LRRK2: variants seen among roughly 807,000 people sequenced by gnomAD.
The protein encoded by LRRK2 is leucine rich repeat kinase 2, also known as leucine-rich repeat serine/threonine-protein kinase 2.
LRRK2 carries 203 observed loss-of-function variants against 302.6 expected under a neutral mutation model. The ratio of observed to expected loss-of-function variants is 0.67; its 90% CI spans 0.60 to 0.75. The LOEUF (loss-of-function observed/expected upper bound fraction) is 0.75, where lower values mean the gene tolerates loss of function less well. Among genes scored for constraint, LRRK2 ranks in the 30% least tolerant of loss-of-function variants. The pLI, the probability that LRRK2 is intolerant of heterozygous loss-of-function variation, is 0.00. For missense variants in LRRK2, 2,830 were observed against 2,951.0 expected (o/e 0.96, Z 0.95); for synonymous variants, 1,066 against 1,031.9 (o/e 1.03, Z -0.63).
In LRRK2 at chr12:40,323,204, A is replaced by G. The variant is rs147442556; in HGVS notation, c.5554A>G (p.Ile1852Val). 42 of 1,613,156 alleles carry G rather than the reference A, an allele frequency of 2.6e-5. No individual in the cohort carries two copies. The highest frequency in any genetic ancestry group is 5.5e-5 in the South Asian group (5 of 91,034). Residue 1852 changes from isoleucine to valine, a missense_variant, in exon 38 of 51, where the codon ATA becomes GTA. Transcript: ENST00000298910. ...AGATCAACCAAGGCTCACCATTCCA[A>G]TATCTCAGATTGCCCCTGACTTGAT... ...NPDQPRLTIP[I>V]SQIAPDLILA...
At chr12:40,340,090 C>T (rs1054367163) in intron 40 of LRRK2, among the ~76,000 whole-genome samples, 15 of 152,036 alleles carry the variant, frequency 9.9e-5, no homozygotes, top group Non-Finnish European at 5.9e-5. Flanking sequence ...AGATTTGACC[C>T]TTTTTTAAAG....
chr12:40,335,311 A>G (rs1405080174), intron 40 of LRRK2, among the ~76,000 whole-genome samples, 154 bp downstream of exon 40: 4 of 152,206 alleles, frequency 2.6e-5, no homozygotes, highest in African/African-American at 9.7e-5. Flanking sequence ...CAAATTTTGT[A>G]ATTTCAGAAA....
At position 40,302,855 on chromosome 12, in the gene LRRK2, T is replaced by G. The variant is rs1210224106; in HGVS notation, c.3563T>G (p.Ile1188Ser). 1 of 1,606,416 alleles carries G rather than the reference T, an allele frequency of 6.2e-7. No homozygotes were observed. The highest frequency in any genetic ancestry group is 1.7e-5 in the Admixed American group (1 of 59,948). The change falls in exon 26 of 51, where the codon ATT (isoleucine) becomes AGT (serine). Residue 1188 changes from isoleucine to serine, a missense_variant. Ile to Ser is a moderately radical substitution (Grantham distance 142, BLOSUM62 -2). This residue lies in a region of LRRK2 where 2,121 missense variants were observed against 2,148.0 expected (regional missense o/e 0.99). Transcript: ENST00000298910. ...TTATCTCAGAACAAATTTTCCTGTATTCCAGAAGCAATTTTAAATCTTCCA... is the reference window on the plus strand; with the variant it reads ...TTATCTCAGAACAAATTTTCCTGTAGTCCAGAAGCAATTTTAAATCTTCCA... ...LKLSQNKFSC[I>S]PEAILNLPHL...
chr12:40,343,563 A>C (rs968988528), intron 41 of LRRK2, among the ~76,000 whole-genome samples: 2 of 152,160 alleles, frequency 1.3e-5, no homozygotes, highest in African/African-American at 2.4e-5. Context: ...TTAATTCATA[A>C]ATTTCTCTTA....
intron 14 of LRRK2, among the ~76,000 whole-genome samples, chr12:40,267,274 T>C (rs529192381): frequency 1.3e-5 from 2 of 152,350 alleles, no homozygotes; most frequent in African/African-American, 4.8e-5. Context: ...CCTGAGGACA[T>C]GGTTACTTCC....
intron 31 of LRRK2, 41 bp from the exon 32 acceptor site, chr12:40,313,931 A>G: frequency 1.3e-6 from 2 of 1,579,254 alleles, no homozygotes; most frequent in Non-Finnish European, 1.7e-6. Context: ...AAATACACAA[A>G]TAAAATAGAT....
intron 14 of LRRK2, among the ~76,000 whole-genome samples, chr12:40,271,196 A>G (rs1172847894): frequency 2.0e-5 from 3 of 152,164 alleles, no homozygotes; most frequent in African/African-American, 7.2e-5. Flanking sequence ...TCCAGAGACC[A>G]CTATCTATCA....
chr12:40,278,323 G>A (rs370807645), intron 18 of LRRK2, 62 bp downstream of exon 18: 4 of 1,572,824 alleles, frequency 2.5e-6, no homozygotes. Context: ...TAAGAGCCCT[G>A]CCATTGTGTA....
chr12:40,317,058 C>A (rs1291730057), intron 33 of LRRK2, among the ~76,000 whole-genome samples: 1 of 151,888 alleles, frequency 6.6e-6, no homozygotes, highest in African/African-American at 2.4e-5. Flanking sequence ...CATCAGAACT[C>A]CCCTTTTAAA....
At chr12:40,352,915 C>T (rs1946400341) in intron 44 of LRRK2, among the ~76,000 whole-genome samples, 1 of 152,240 alleles carries the variant, frequency 6.6e-6, no homozygotes, top group Non-Finnish European at 1.5e-5. Context: ...CACATTTCCC[C>T]CTTTTCTACT....
At chr12:40,245,797 A>G (rs1379788701) in intron 7 of LRRK2, among the ~76,000 whole-genome samples, 5 of 152,070 alleles carry the variant, frequency 3.3e-5, no homozygotes, top group South Asian at 2.1e-4. Flanking sequence ...GATTTTTTGT[A>G]TATTGAACTA....
chr12:40,257,978 T>TA (rs908310906), intron 12 of LRRK2, among the ~76,000 whole-genome samples: 1 of 151,808 alleles, frequency 6.6e-6, no homozygotes, highest in Non-Finnish European at 1.5e-5. Context: ...CTCTCATGTG[T>TA]AAAAAAAATA....
chr12:40,327,360 A>G (rs2136911547), intron 38 of LRRK2, among the ~76,000 whole-genome samples: 1 of 152,362 alleles, frequency 6.6e-6, no homozygotes, highest in African/African-American at 2.4e-5. Flanking sequence ...TACTAAGTAC[A>G]GAATTAAAAG....
Position 40,274,893 on chromosome 12 carries a change from T to C in LRRK2, c.1841T>C (p.Ile614Thr). 1 of 1,612,832 alleles carries C rather than the reference T, an allele frequency of 6.2e-7. No homozygotes were observed. Among genetic ancestry groups the C allele is most frequent in the East Asian group, 2.2e-5 (1 of 44,844 alleles). ...CLGLSLIGYL[I>T]TKKNVFIGTG... is the part of the protein sequence containing the mutation. ...GGTTTAAGTCTTATAGGATACTTGA[T>C]TACAAAGAAGAATGTGTTCATAGGA... The change falls in exon 16 of 51, where the codon ATT becomes ACT. Residue 614 changes from isoleucine to threonine, a missense_variant. Around this residue, in one of 3 missense-constraint regions of LRRK2, gnomAD observed 2,121 missense variants for 2,148.0 expected, o/e 0.99. Coordinates refer to ENST00000298910, the MANE Select transcript of LRRK2 (RefSeq NM_198578.4).
intron 35 of LRRK2, among the ~76,000 whole-genome samples, 200 bp from the exon 36 acceptor site, chr12:40,321,835 T>A (rs564494634): frequency 6.6e-6 from 1 of 152,162 alleles, no homozygotes; most frequent in East Asian, 1.9e-4. Flanking sequence ...TGGATCTTAA[T>A]GTGCAGGGGA....
Position 40,365,010 on chromosome 12 carries a change from C to T in LRRK2, c.7350C>T (p.Asn2450=), listed in dbSNP as rs771723950. 1.9e-6 allele frequency: 3 copies of T among 1,612,488 alleles called. No homozygotes were observed. The South Asian group carries it at 3.3e-5, about 18-fold the overall frequency. The change falls in exon 49 of 51, where the codon AAC becomes AAT. Residue 2450 remains asparagine (N), a synonymous_variant. Coordinates refer to ENST00000298910, the MANE Select transcript of LRRK2 (RefSeq NM_198578.4). ...GTCGACTTATACGTGTAATTTACAA[C>T]TTTTGTAATTCGGTCAGAGTCATGA... ...STRRLIRVIY[N]FCNSVRVMMT...
intron 16 of LRRK2, among the ~76,000 whole-genome samples, chr12:40,276,855 T>TG (rs2136617874): frequency 6.6e-6 from 1 of 152,098 alleles, no homozygotes; most frequent in African/African-American, 2.4e-5. Context: ...TTTTTTGAGA[T>TG]GGGGTCTCAC....
chr12:40,294,806 T>C (rs1284027631), intron 21 of LRRK2, 39 bp from the exon 22 acceptor site: 6 of 1,185,782 alleles, frequency 5.1e-6, no homozygotes, highest in East Asian at 2.5e-5. Context: ...TCTTCTCCAA[T>C]AAATGACAGC....
At chr12:40,315,405 A>G (rs915955407) in intron 33 of LRRK2, 105 bp downstream of exon 33, 49 of 906,040 alleles carry the variant, frequency 5.4e-5, no homozygotes, top group Non-Finnish European at 8.1e-5. Context: ...TTAAGGCAGA[A>G]ACTTTTGTGA....
Sources: gnomAD v4.1 joint callset for allele counts (sites outside exome capture counted in the v4.1 genomes callset) on GRCh38, gnomAD v4.1.1 for gene constraint, gnomAD v4.1.1 regional missense constraint, MANE v1.5 for transcripts, NCBI Gene and HGNC (gene_info 2026-07-23, HGNC 2026-07-21) for gene names.